The following METTL15 variants were observed in gnomAD, a reference collection of about 807,000 sequenced individuals.
The protein encoded by METTL15 is 12S rRNA N(4)-cytidine methyltransferase METTL15.
Under a neutral mutation model 38.3 loss-of-function variants are expected in METTL15, and 34 were observed. That is an observed-to-expected ratio of 0.89 (90% CI 0.68 to 1.18). METTL15 has a LOEUF of 1.18. Among genes scored for constraint, METTL15 ranks in the 50% most tolerant of loss-of-function variants. The pLI is 0.00. For missense variants in METTL15, 438 were observed against 498.4 expected, an observed-to-expected ratio of 0.88 and a Z score of 1.15; for synonymous variants, 162 against 170.9, an observed-to-expected ratio of 0.95 and a Z score of 0.41.
intron 6 of METTL15, among the ~76,000 whole-genome samples, chr11:28,440,180 A>G (rs904987716): frequency 6.6e-6 from 1 of 152,168 alleles, no homozygotes; most frequent in Non-Finnish European, 1.5e-5. Flanking sequence ...TGCATGCCCA[A>G]TTAAACCAGT....
chr11:28,210,538 TG>T (rs773693987), intron 3 of METTL15, among the ~76,000 whole-genome samples: 167 of 152,076 alleles, frequency 1.1e-3, no homozygotes, highest in Non-Finnish European at 1.9e-3. Context: ...AGATACAATC[TG>T]TAAGTTTGTC....
intron 6 of METTL15, among the ~76,000 whole-genome samples, chr11:28,311,142 A>G (rs1042088822): frequency 8.5e-5 from 13 of 152,152 alleles, no homozygotes; most frequent in African/African-American, 3.1e-4. Context: ...GGCTTTATAC[A>G]GTCAGAAAGA....
chr11:28,208,985 T>A (rs1443880178), intron 3 of METTL15, among the ~76,000 whole-genome samples: 1 of 151,990 alleles, frequency 6.6e-6, no homozygotes, highest in Admixed American at 6.6e-5. Flanking sequence ...ATTCCATTTG[T>A]CTGCCACTTT....
At chr11:28,519,554 CAA>C (rs5790692) in intron 6 of METTL15, among the ~76,000 whole-genome samples, 47 of 139,800 alleles carry the variant, frequency 3.4e-4, no homozygotes, top group South Asian at 9.2e-4. Context: ...GGCTCCGTCT[CAA>C]AAAAAAAAAA....
chr11:28,426,853 G>T (rs956998665), intron 6 of METTL15, among the ~76,000 whole-genome samples: 3 of 151,750 alleles, frequency 2.0e-5, no homozygotes, highest in African/African-American at 7.3e-5. Flanking sequence ...TTTGTCAGAT[G>T]GATAGATTGC....
intron 6 of METTL15, among the ~76,000 whole-genome samples, chr11:28,434,708 G>A (rs1371370737): frequency 6.6e-6 from 1 of 152,188 alleles, no homozygotes; most frequent in African/African-American, 2.4e-5. Flanking sequence ...TATTTCTTGT[G>A]GGTCTACTGT....
intron 4 of METTL15, among the ~76,000 whole-genome samples, chr11:28,262,186 C>G (rs1855230760): frequency 6.6e-6 from 1 of 151,888 alleles, no homozygotes; most frequent in African/African-American, 2.4e-5. Flanking sequence ...TAGGAATGAC[C>G]TAGTGCTAGA....
intron 5 of METTL15, among the ~76,000 whole-genome samples, chr11:28,407,516 T>A (rs1850684580): frequency 6.6e-6 from 1 of 152,104 alleles, no homozygotes; most frequent in African/African-American, 2.4e-5. Context: ...AACAGAAACT[T>A]ATCAAAAGAA....
intron 5 of METTL15, among the ~76,000 whole-genome samples, chr11:28,371,958 T>C (rs1344297047): frequency 6.6e-6 from 1 of 152,060 alleles, no homozygotes; most frequent in Admixed American, 6.6e-5. Flanking sequence ...ACTTCCTCTT[T>C]TTCTATTTGG....
At chr11:28,469,707 C>T (rs568518563) in intron 6 of METTL15, among the ~76,000 whole-genome samples, 30 of 152,080 alleles carry the variant, frequency 2.0e-4, no homozygotes, top group South Asian at 4.1e-4. Context: ...ACATAATAAA[C>T]ACTATGTTTG....
chr11:28,220,139 C>G (rs1405525896), intron 4 of METTL15, among the ~76,000 whole-genome samples: 9 of 152,100 alleles, frequency 5.9e-5, no homozygotes. Flanking sequence ...TCTTGTTGAT[C>G]TGTCTAATGT....
At chr11:28,428,642 T>C (rs1177507450) in intron 6 of METTL15, among the ~76,000 whole-genome samples, 2 of 152,214 alleles carry the variant, frequency 1.3e-5, no homozygotes, top group Non-Finnish European at 2.9e-5. Flanking sequence ...AGCTGGCTAC[T>C]AACACTAACA....
chr11:28,194,688 A>G (rs1851845145), intron 3 of METTL15, among the ~76,000 whole-genome samples: 1 of 152,116 alleles, frequency 6.6e-6, no homozygotes, highest in Non-Finnish European at 1.5e-5. Context: ...TGTCAGAAAG[A>G]AAGATTAAAA....
intron 6 of METTL15, among the ~76,000 whole-genome samples, chr11:28,458,768 G>T (rs373359356): frequency 6.6e-6 from 1 of 152,118 alleles, no homozygotes; most frequent in Non-Finnish European, 1.5e-5. Flanking sequence ...CATTTGTGTG[G>T]CCATCCATGG....
At chr11:28,361,601 G>A (rs1172404422) in intron 4 of METTL15, among the ~76,000 whole-genome samples, 1 of 152,078 alleles carries the variant, frequency 6.6e-6, no homozygotes, top group African/African-American at 2.4e-5. Context: ...TAAATGAGGA[G>A]TTCTAATAAA....
chr11:28,238,464 G>T (rs10835293), intron 4 of METTL15, among the ~76,000 whole-genome samples: 1 of 152,106 alleles, frequency 6.6e-6, no homozygotes, highest in Non-Finnish European at 1.5e-5. Context: ...TCGGAAAAGC[G>T]CAGTATTCGG....
chr11:28,385,803 CTG>C (rs142859435), intron 5 of METTL15, among the ~76,000 whole-genome samples: 1 of 151,408 alleles, frequency 6.6e-6, no homozygotes, highest in African/African-American at 2.4e-5. Context: ...TTTTAATTTT[CTG>C]TGTGTGTGTG....
chr11:28,409,841 G>C (rs937383677), intron 5 of METTL15, among the ~76,000 whole-genome samples: 1 of 151,984 alleles, frequency 6.6e-6, no homozygotes, highest in Non-Finnish European at 1.5e-5. Flanking sequence ...ACAAAACCAA[G>C]AGTTGGTTTT....
At chr11:28,425,011 C>A (rs934179884) in intron 6 of METTL15, among the ~76,000 whole-genome samples, 1 of 152,164 alleles carries the variant, frequency 6.6e-6, no homozygotes, top group East Asian at 1.9e-4. Flanking sequence ...ATGGAAATAA[C>A]CCACTGTTAA....
Sources: allele counts gnomAD v4.1 joint callset (sites outside exome capture counted in the v4.1 genomes callset), GRCh38; gene constraint gnomAD v4.1.1; transcripts MANE v1.5; gene names NCBI Gene and HGNC (gene_info 2026-07-23, HGNC 2026-07-21).